Variants in PRKCQ observed in about 807,000 individuals in gnomAD.
PRKCQ encodes the protein protein kinase C theta.
A neutral mutation model predicts 91.2 loss-of-function variants in PRKCQ; 41 were observed. That is an observed-to-expected ratio of 0.45 (90% CI 0.35 to 0.58). The LOEUF is 0.58. Ranked by LOEUF, PRKCQ falls within the 20% of genes least tolerant of loss-of-function variation. The pLI is 0.00. For missense variants in PRKCQ, 673 were observed against 896.5 expected, an observed-to-expected ratio of 0.75 and a Z score of 3.18; for synonymous variants, 307 against 316.9, an observed-to-expected ratio of 0.97 and a Z score of 0.33.
chr10:6,480,404 C>T (rs1836532105), intron 11 of PRKCQ, among the ~76,000 whole-genome samples: 3 of 152,208 alleles, frequency 2.0e-5, no homozygotes, highest in East Asian at 1.9e-4. Flanking sequence ...TTTTGTGGCT[C>T]TTATATCAAA....
At chr10:6,574,341 C>A (rs1009518661) in intron 1 of PRKCQ, among the ~76,000 whole-genome samples, 4 of 152,184 alleles carry the variant, frequency 2.6e-5, no homozygotes, top group African/African-American at 7.2e-5. Context: ...TTAAAGGGTT[C>A]CTCCTGTTCT....
intron 4 of PRKCQ, among the ~76,000 whole-genome samples, chr10:6,503,162 T>C (rs1159939776): frequency 6.6e-6 from 1 of 152,188 alleles, no homozygotes; most frequent in Non-Finnish European, 1.5e-5. Context: ...GTAGAGTTAA[T>C]GCCAGAAAGT....
chr10:6,517,765 G>T (rs1838832271), intron 1 of PRKCQ, among the ~76,000 whole-genome samples: 2 of 151,822 alleles, frequency 1.3e-5, no homozygotes, highest in East Asian at 3.9e-4. Flanking sequence ...ACCTACCCAG[G>T]GAAATAGCTA....
At chr10:6,500,954 T>G (rs1837878377) in intron 4 of PRKCQ, among the ~76,000 whole-genome samples, 1 of 151,810 alleles carries the variant, frequency 6.6e-6, no homozygotes, top group African/African-American at 2.4e-5. Flanking sequence ...CCGAGATATG[T>G]GTACCCATAT....
At chr10:6,395,252 A>G in the PRKCQ span, among the ~76,000 whole-genome samples, 1 of 151,658 alleles carries the variant, frequency 6.6e-6, no homozygotes, top group Non-Finnish European at 1.5e-5. Flanking sequence ...TTTAGTAGAG[A>G]CGGGGTTTTC....
At chr10:6,396,945 G>A in the PRKCQ span, among the ~76,000 whole-genome samples, 131 of 152,266 alleles carry the variant, frequency 8.6e-4, no homozygotes, top group Middle Eastern at 3.4e-3. Context: ...CAACACATGC[G>A]ATTGCCCATC....
At chr10:6,551,687 C>A (rs557557136) in intron 1 of PRKCQ, among the ~76,000 whole-genome samples, 1 of 152,318 alleles carries the variant, frequency 6.6e-6, no homozygotes, top group Admixed American at 6.5e-5. Context: ...TGAGCCACCA[C>A]GCCCAGCCCA....
In PRKCQ at chr10:6,482,962, G is replaced by C. The variant is rs555428529; in HGVS notation, c.1179+478C>G. 1.1e-4 allele frequency among the ~76,000 whole-genome samples: 17 copies of C among 152,250 alleles called. No homozygotes were observed. In the South Asian group the frequency reaches 3.5e-3, roughly 32 times the overall value. On this transcript the variant is annotated intron_variant, in intron 11 of 17. Transcript: ENST00000263125. ...CCTGGGGATTATTACAATTCAACGT[G>C]AGATTTGGGTGGGGACACAGAGCCG...
chr10:6,501,576 C>T (rs920676024), intron 4 of PRKCQ, among the ~76,000 whole-genome samples: 1 of 151,908 alleles, frequency 6.6e-6, no homozygotes, highest in Non-Finnish European at 1.5e-5. Flanking sequence ...AATCCCAGCA[C>T]TTTGGGAGGC....
At chr10:6,419,909 T>C in the PRKCQ span, among the ~76,000 whole-genome samples, 1 of 151,998 alleles carries the variant, frequency 6.6e-6, no homozygotes, top group African/African-American at 2.4e-5. Context: ...GGCTGGTCTT[T>C]AACTCCTGAC....
chr10:6,413,588 G>GCACACA, the PRKCQ span, among the ~76,000 whole-genome samples: 43 of 23,860 alleles, frequency 1.8e-3, 5 homozygotes, highest in East Asian at 4.2e-3. Context: ...TGCCACTTGT[G>GCACACA]CACACACACA....
At chr10:6,514,338 T>C (rs1309484506) in intron 2 of PRKCQ, among the ~76,000 whole-genome samples, 1 of 150,248 alleles carries the variant, frequency 6.7e-6, no homozygotes, top group Non-Finnish European at 1.5e-5. Context: ...TCTTGGAGAG[T>C]GGAAGCCGGC....
intron 8 of PRKCQ, among the ~76,000 whole-genome samples, chr10:6,491,104 G>A (rs1837271004): frequency 6.6e-6 from 1 of 152,216 alleles, no homozygotes; most frequent in Admixed American, 6.5e-5. Flanking sequence ...AACAGGCAAT[G>A]ACGGTCACAA....
At chr10:6,512,355 C>A (rs1487974355) in intron 2 of PRKCQ, among the ~76,000 whole-genome samples, 2 of 152,182 alleles carry the variant, frequency 1.3e-5, no homozygotes, top group East Asian at 1.9e-4. Context: ...TGCCAGCCTG[C>A]AAGTGAGTAA....
chr10:6,415,717 T>C, the PRKCQ span, among the ~76,000 whole-genome samples: 1 of 150,924 alleles, frequency 6.6e-6, no homozygotes, highest in Non-Finnish European at 1.5e-5. Flanking sequence ...TTGTTGACAA[T>C]TGCTGCTAAT....
intron 4 of PRKCQ, among the ~76,000 whole-genome samples, chr10:6,504,614 T>C (rs1224496307): frequency 1.3e-5 from 2 of 152,242 alleles, no homozygotes; most frequent in Admixed American, 1.3e-4. Flanking sequence ...GTTTAGGTTA[T>C]AATTTTATCT....
At chr10:6,403,313 G>A in the PRKCQ span, among the ~76,000 whole-genome samples, 8 of 152,212 alleles carry the variant, frequency 5.3e-5, no homozygotes, top group African/African-American at 1.4e-4. Context: ...TGTCTTAGTC[G>A]GAGTAGGGCA....
intron 1 of PRKCQ, among the ~76,000 whole-genome samples, chr10:6,565,855 A>T (rs1196331966): frequency 6.6e-6 from 1 of 152,212 alleles, no homozygotes; most frequent in Non-Finnish European, 1.5e-5. Flanking sequence ...AATATTTACA[A>T]AGTAGAGTAA....
intron 1 of PRKCQ, among the ~76,000 whole-genome samples, chr10:6,573,204 A>G (rs1458043256): frequency 6.6e-6 from 1 of 152,188 alleles, no homozygotes; most frequent in Non-Finnish European, 1.5e-5. Context: ...TGTGTCTTGG[A>G]GTTTGAAAAA....
Sources: gnomAD v4.1 joint callset for allele counts (sites outside exome capture counted in the v4.1 genomes callset) on GRCh38, gnomAD v4.1.1 for gene constraint, MANE v1.5 for transcripts, NCBI Gene and HGNC (gene_info 2026-07-23, HGNC 2026-07-21) for gene names.